The following MAD1L1 variants were observed in gnomAD, a reference collection of about 807,000 sequenced individuals.
MAD1L1 encodes the protein mitotic arrest deficient 1 like 1, also known as mitotic spindle assembly checkpoint protein MAD1.
MAD1L1 carries 95 observed loss-of-function variants against 96.9 expected under a neutral mutation model. The observed-to-expected ratio is 0.98, with a 90% confidence interval of 0.83 to 1.16. The LOEUF (loss-of-function observed/expected upper bound fraction) is 1.16, where lower values mean the gene tolerates loss of function less well. Ranked by LOEUF, MAD1L1 falls within the 50% of genes most tolerant of loss-of-function variation. The probability of loss-of-function intolerance (pLI) is 0.00; values close to 1 mark genes in which losing one functional copy is unlikely to be tolerated. For missense variants in MAD1L1, 1,007 were observed against 954.4 expected (o/e 1.06, Z -0.73); for synonymous variants, 473 against 396.6 (o/e 1.19, Z -2.29).
chr7:2,151,288 G>A (rs576338778), intron 10 of MAD1L1, among the ~76,000 whole-genome samples: 4 of 152,284 alleles, frequency 2.6e-5, no homozygotes, highest in Admixed American at 6.5e-5. Context: ...CATCTGCAAC[G>A]GCGCCTCCCA....
intron 15 of MAD1L1, among the ~76,000 whole-genome samples, chr7:1,975,370 G>A (rs1315001884): frequency 2.0e-5 from 3 of 152,120 alleles, no homozygotes; most frequent in Non-Finnish European, 2.9e-5. Context: ...CTCCAGACCC[G>A]GCCCAGCCAG....
At position 2,130,133 on chromosome 7, in the gene MAD1L1, C is replaced by T. The variant is rs563474313; in HGVS notation, c.1073+19019G>A. On this transcript the variant is annotated intron_variant, in intron 11 of 18. Coordinates refer to ENST00000265854, the MANE Select transcript of MAD1L1 (RefSeq NM_001013836.2). Reference sequence around the variant, plus strand: ...ACCTCCACATGTCAGGAGGCAAATGCCCTCCTCTTGGATTTCCCTGCCCTG... The same window carrying T: ...ACCTCCACATGTCAGGAGGCAAATGTCCTCCTCTTGGATTTCCCTGCCCTG... Among the ~76,000 whole-genome samples, 19 of 152,386 alleles carry T rather than the reference C, an allele frequency of 1.2e-4. No homozygotes were observed. In the East Asian group the frequency reaches 3.3e-3, roughly 26 times the overall value.
chr7:2,142,209 C>G lies in MAD1L1; in HGVS notation c.1073+6943G>C, dbSNP rs1789070979. 6.6e-6 allele frequency among the ~76,000 whole-genome samples: 1 copy of G among 152,240 alleles called. No individual in the cohort carries two copies. Among genetic ancestry groups the G allele is most frequent in the African/African-American group, 2.4e-5 (1 of 41,464 alleles). On this transcript the variant is annotated intron_variant, in intron 11 of 18. Transcript: ENST00000265854. This position sits in a 1 kb window ranked among gnomAD's most constrained non-coding sequence, Gnocchi z 4.7. Reference sequence around the variant, plus strand: ...TTTCAAAGGGCCCACACTAGCCAAACTAACCCGAGCAGCCTTCGCCAAAGA... The same window carrying G: ...TTTCAAAGGGCCCACACTAGCCAAAGTAACCCGAGCAGCCTTCGCCAAAGA...
chr7:2,014,357 TG>T, intron 13 of MAD1L1, 144 bp downstream of exon 13: 1 of 1,058,956 alleles, frequency 9.4e-7, no homozygotes, highest in Non-Finnish European at 1.3e-6. Flanking sequence ...AAGCAGCCCG[TG>T]GACACCCTCC....
At chr7:1,818,540 G>C (rs1036653464) in intron 18 of MAD1L1, among the ~76,000 whole-genome samples, 1 of 152,016 alleles carries the variant, frequency 6.6e-6, no homozygotes, top group African/African-American at 2.4e-5. Flanking sequence ...CAGCACACCT[G>C]GCTAATTTTT....
rs117187485 is a variant in MAD1L1 at position 1,882,494 on chromosome 7, C to T, written c.1998+15706G>A. The stretch of plus-strand genomic sequence containing the variant: ...AGGGAGGGAGGGAAGGGGTGAGGGG[C>T]GCGCGGGCCGTGTTTGACGTTGCTC... On this transcript the variant is annotated intron_variant, in intron 18 of 18. Coordinates refer to ENST00000265854, the MANE Select transcript of MAD1L1 (RefSeq NM_001013836.2). Among the ~76,000 whole-genome samples, 189 of 152,282 alleles carry T rather than the reference C, an allele frequency of 1.2e-3. 1 individual carries two copies. The highest frequency in any genetic ancestry group is 3.1e-3 in the African/African-American group (128 of 41,564).
chr7:2,117,617 TCTC>T (rs1787774888), intron 11 of MAD1L1, among the ~76,000 whole-genome samples: 1 of 152,144 alleles, frequency 6.6e-6, no homozygotes, highest in Non-Finnish European at 1.5e-5. Flanking sequence ...GCTCGGCACT[TCTC>T]CTTCCTGTCA....
At chr7:1,855,920 A>G (rs1196062328) in intron 18 of MAD1L1, among the ~76,000 whole-genome samples, 1 of 152,158 alleles carries the variant, frequency 6.6e-6, no homozygotes, top group Non-Finnish European at 1.5e-5. Context: ...TATGAGCAGC[A>G]GACATTGGCT....
intron 18 of MAD1L1, among the ~76,000 whole-genome samples, chr7:1,819,591 G>A (rs554931636): frequency 1.6e-4 from 24 of 152,312 alleles, no homozygotes; most frequent in East Asian, 5.8e-4. Context: ...GCTCTGCCAC[G>A]TGAGCAGTGC....
intron 10 of MAD1L1, among the ~76,000 whole-genome samples, chr7:2,150,117 C>T (rs1789496479): frequency 6.6e-6 from 1 of 152,202 alleles, no homozygotes; most frequent in African/African-American, 2.4e-5. Context: ...GGAGCCCGCA[C>T]CGCACCACTG....
chr7:1,891,975 G>A lies in MAD1L1; in HGVS notation c.1998+6225C>T, dbSNP rs140001685. Among the ~76,000 whole-genome samples, 6 of 152,268 alleles carry A rather than the reference G, an allele frequency of 3.9e-5. No individual in the cohort carries two copies. The East Asian group carries it at 5.8e-4, about 15-fold the overall frequency. The stretch of plus-strand genomic sequence containing the variant: ...ATAGTCTCCAGTTGTGCACACTCAT[G>A]TCCTAGGCCTTCACACTCACTCACC... On this transcript the variant is annotated intron_variant, in intron 18 of 18. Transcript: ENST00000265854.
intron 13 of MAD1L1, among the ~76,000 whole-genome samples, chr7:2,005,044 G>A (rs993845601): frequency 2.0e-5 from 3 of 152,190 alleles, no homozygotes; most frequent in African/African-American, 7.2e-5. Context: ...AGCAGCTCCC[G>A]TGAGAGTGCA....
intron 7 of MAD1L1, 150 bp from the exon 8 acceptor site, chr7:2,216,437 G>T: frequency 1.3e-6 from 1 of 793,828 alleles, no homozygotes; most frequent in Non-Finnish European, 1.9e-6. Context: ...GGGAAAGGAA[G>T]GGGTTGTCAA....
chr7:2,070,312 AG>A (rs1441593893), intron 11 of MAD1L1, among the ~76,000 whole-genome samples: 1 of 152,126 alleles, frequency 6.6e-6, no homozygotes, highest in Non-Finnish European at 1.5e-5. Flanking sequence ...AGGGGCTCCC[AG>A]GAAGGGCACA....
At chr7:1,828,064 C>A (rs1782519993) in intron 18 of MAD1L1, among the ~76,000 whole-genome samples, 1 of 151,876 alleles carries the variant, frequency 6.6e-6, no homozygotes, top group Non-Finnish European at 1.5e-5. Flanking sequence ...CCCCGGGGCC[C>A]ATCAGTTTGT....
chr7:1,895,459 A>C (rs573177019), intron 18 of MAD1L1, among the ~76,000 whole-genome samples: 43 of 152,160 alleles, frequency 2.8e-4, no homozygotes, highest in Non-Finnish European at 5.7e-4. Flanking sequence ...CCCACCCCGC[A>C]GCTCTCAGCC....
intron 17 of MAD1L1, among the ~76,000 whole-genome samples, chr7:1,903,160 G>A (rs1787366478): frequency 6.6e-6 from 1 of 151,026 alleles, no homozygotes; most frequent in Non-Finnish European, 1.5e-5. Context: ...ATCCAGCACT[G>A]TTCCAGGCAG....
chr7:2,000,445 A>C (rs1250668724), intron 14 of MAD1L1, among the ~76,000 whole-genome samples: 1 of 152,080 alleles, frequency 6.6e-6, no homozygotes, highest in African/African-American at 2.4e-5. Flanking sequence ...GTGACCACAC[A>C]GGGCCCACAA....
chr7:1,816,990 G>A (rs1305766956), intron 18 of MAD1L1: 2 of 152,314 alleles, frequency 1.3e-5, no homozygotes, highest in East Asian at 1.9e-4. Context: ...CCTGTACCCA[G>A]AATATGCCCA....
Sources: gnomAD v4.1 joint callset for allele counts (sites outside exome capture counted in the v4.1 genomes callset) on GRCh38, gnomAD v4.1.1 for gene constraint, Gnocchi (gnomAD v3.1) non-coding constraint, MANE v1.5 for transcripts, NCBI Gene and HGNC (gene_info 2026-07-23, HGNC 2026-07-21) for gene names.